Variants in CNTNAP5 observed in about 807,000 individuals in gnomAD.
CNTNAP5 encodes the protein contactin-associated protein-like 5.
A neutral mutation model predicts 150.2 loss-of-function variants in CNTNAP5; 72 were observed. That is an observed-to-expected ratio of 0.48 (90% CI 0.40 to 0.58). CNTNAP5 has a LOEUF of 0.58. Ranked by LOEUF, CNTNAP5 falls within the 20% of genes least tolerant of loss-of-function variation. CNTNAP5 has a pLI of 0.00. For synonymous variants in CNTNAP5, 672 were observed against 619.8 expected (o/e 1.08, Z -1.25); for missense variants, 1,636 against 1,626.2 (o/e 1.01, Z -0.10).
intron 19 of CNTNAP5, among the ~76,000 whole-genome samples, chr2:124,857,141 G>A (rs1220541874): frequency 1.3e-5 from 2 of 152,088 alleles, no homozygotes; most frequent in Non-Finnish European, 2.9e-5. Flanking sequence ...GGGGTGACGA[G>A]GAAGAGACAG....
chr2:124,498,833 A>T (rs1694210010), intron 7 of CNTNAP5, among the ~76,000 whole-genome samples: 1 of 152,164 alleles, frequency 6.6e-6, no homozygotes, highest in Non-Finnish European at 1.5e-5. Flanking sequence ...GATTCAGATG[A>T]TCCCCAAATC....
intron 1 of CNTNAP5, among the ~76,000 whole-genome samples, chr2:124,031,738 T>C (rs1681057710): frequency 6.6e-6 from 1 of 152,080 alleles, no homozygotes; most frequent in African/African-American, 2.4e-5. Context: ...CTAAAAAAAA[T>C]ACATAATCAC....
chr2:124,060,623 A>C (rs1681983817), intron 1 of CNTNAP5, among the ~76,000 whole-genome samples: 1 of 152,226 alleles, frequency 6.6e-6, no homozygotes, highest in Admixed American at 6.5e-5. Context: ...GAAATCTGAC[A>C]TTGGGCAGGC....
chr2:124,111,022 T>C (rs1164344904), intron 1 of CNTNAP5, among the ~76,000 whole-genome samples: 1 of 152,178 alleles, frequency 6.6e-6, no homozygotes, highest in Non-Finnish European at 1.5e-5. Flanking sequence ...AAAATGAGTG[T>C]ATAATCAAAG....
At chr2:124,390,960 T>C (rs969909665) in intron 3 of CNTNAP5, among the ~76,000 whole-genome samples, 6 of 152,234 alleles carry the variant, frequency 3.9e-5, no homozygotes, top group Admixed American at 2.0e-4. Flanking sequence ...GCGTTAGACA[T>C]GGGTTCAGAG....
intron 11 of CNTNAP5, among the ~76,000 whole-genome samples, chr2:124,594,718 T>A (rs1236094487): frequency 2.9e-5 from 4 of 136,784 alleles, no homozygotes. Flanking sequence ...ATCTGTAAAT[T>A]ACCTTGGGCA....
intron 12 of CNTNAP5, among the ~76,000 whole-genome samples, chr2:124,630,605 A>G (rs1677832215): frequency 6.6e-6 from 1 of 152,184 alleles, no homozygotes; most frequent in South Asian, 2.1e-4. Context: ...TGAAAAACCC[A>G]CAGCCAACAT....
chr2:124,688,334 A>G (rs920497323), intron 13 of CNTNAP5, among the ~76,000 whole-genome samples: 10 of 152,026 alleles, frequency 6.6e-5, no homozygotes, highest in African/African-American at 2.4e-4. Flanking sequence ...TTTTTCCTTG[A>G]AGATATTGGA....
chr2:124,325,349 A>T (rs1689190420), intron 3 of CNTNAP5, among the ~76,000 whole-genome samples: 1 of 152,204 alleles, frequency 6.6e-6, no homozygotes, highest in African/African-American at 2.4e-5. Context: ...ATATTTTATT[A>T]TATAAACTTG....
intron 1 of CNTNAP5, among the ~76,000 whole-genome samples, chr2:124,191,828 T>A (rs1685464006): frequency 6.6e-6 from 1 of 150,876 alleles, no homozygotes; most frequent in African/African-American, 2.4e-5. Flanking sequence ...GGCAGGAGAA[T>A]CTCTTTAACC....
rs559264511 is a variant in CNTNAP5, at chr2:124,408,265, G to C, written c.382-9178G>C. On this transcript the variant is annotated intron_variant, in intron 3 of 23. Transcript: ENST00000682447. ...CGGAGTCTCGCTGATTGCTAGCACA[G>C]CAGTCTGAGATCAAACTGCAAGGCC... Among the ~76,000 whole-genome samples, 743 of 152,264 alleles carry C rather than the reference G, an allele frequency of 4.9e-3. 5 individuals carry two copies. Among genetic ancestry groups the C allele is most frequent in the African/African-American group, 0.017 (709 of 41,576 alleles).
chr2:124,053,038 C>T (rs887453529), intron 1 of CNTNAP5, among the ~76,000 whole-genome samples: 8 of 148,488 alleles, frequency 5.4e-5, no homozygotes, highest in South Asian at 2.2e-4. Context: ...CCATACCTTC[C>T]TCTGCGTACC....
At chr2:124,135,692 A>G (rs1683958689) in intron 1 of CNTNAP5, among the ~76,000 whole-genome samples, 1 of 152,100 alleles carries the variant, frequency 6.6e-6, no homozygotes, top group Non-Finnish European at 1.5e-5. Flanking sequence ...ACTATACACC[A>G]GTGTCTACAC....
intron 13 of CNTNAP5, among the ~76,000 whole-genome samples, chr2:124,717,784 T>A (rs1362704629): frequency 6.6e-6 from 1 of 152,200 alleles, no homozygotes; most frequent in Non-Finnish European, 1.5e-5. Context: ...TTTTATGGAT[T>A]GCTCTACCTT....
intron 10 of CNTNAP5, among the ~76,000 whole-genome samples, chr2:124,528,148 C>A (rs764047715): frequency 6.6e-6 from 1 of 152,164 alleles, no homozygotes; most frequent in African/African-American, 2.4e-5. Flanking sequence ...TCCAGTTCTG[C>A]TCACCCTTGT....
intron 10 of CNTNAP5, among the ~76,000 whole-genome samples, chr2:124,562,369 T>C (rs1244268970): frequency 6.6e-6 from 1 of 152,232 alleles, no homozygotes; most frequent in Non-Finnish European, 1.5e-5. Flanking sequence ...TTTGTCCACA[T>C]CATTTGTTGG....
At chr2:124,112,708 C>T (rs1683327892) in intron 1 of CNTNAP5, among the ~76,000 whole-genome samples, 1 of 151,492 alleles carries the variant, frequency 6.6e-6, no homozygotes. Context: ...CCATTATCAC[C>T]TCCCTCCTCC....
chr2:124,350,879 A>C (rs1689861772), intron 3 of CNTNAP5, among the ~76,000 whole-genome samples: 1 of 151,932 alleles, frequency 6.6e-6, no homozygotes, highest in Non-Finnish European at 1.5e-5. Context: ...TTTTTTCGGC[A>C]TGTTGCCTCA....
intron 13 of CNTNAP5, among the ~76,000 whole-genome samples, chr2:124,698,275 G>T (rs1183251628): frequency 1.3e-5 from 2 of 151,552 alleles, no homozygotes; most frequent in Non-Finnish European, 2.9e-5. Context: ...ATATTTCTTG[G>T]TCTCTGAAAT....
Sources: gnomAD v4.1 joint callset for allele counts (sites outside exome capture counted in the v4.1 genomes callset) on GRCh38, gnomAD v4.1.1 for gene constraint, MANE v1.5 for transcripts, NCBI Gene and HGNC (gene_info 2026-07-23, HGNC 2026-07-21) for gene names.